The following ZNF169 variants were observed in gnomAD, a reference collection of about 807,000 sequenced individuals.
ZNF169 encodes zinc finger protein 169.
A neutral mutation model predicts 12.0 loss-of-function variants in ZNF169; 11 were observed. The observed-to-expected ratio is 0.92, with a 90% CI of 0.58 to 1.52. The LOEUF is 1.52. Ranked by LOEUF, ZNF169 falls within the 40% of genes most tolerant of loss-of-function variation. The probability of loss-of-function intolerance (pLI) is 0.00; values close to 1 mark genes in which losing one functional copy is unlikely to be tolerated. For missense variants in ZNF169, 722 were observed against 744.0 expected, an observed-to-expected ratio of 0.97 and a Z score of 0.34; for synonymous variants, 302 against 286.5, an observed-to-expected ratio of 1.05 and a Z score of -0.55.
intron 2 of ZNF169, among the ~76,000 whole-genome samples, chr9:94,285,403 G>A (rs993666385): frequency 8.5e-5 from 13 of 152,120 alleles, no homozygotes; most frequent in Admixed American, 8.5e-4. Context: ...CAAGAATTGT[G>A]GGAGTACAAC....
In ZNF169 at chr9:94,300,868, G is replaced by A. The variant is rs539728098; in HGVS notation, c.1310G>A (p.Arg437Gln). The A allele has an allele frequency of 2.3e-5, 37 of 1,613,806 alleles. No homozygotes were observed. The highest frequency in any genetic ancestry group is 1.7e-4 in the Middle Eastern group (1 of 6,058). ...CCTTACCTGTGCCCCCAGTGTGGGC[G>A]GGGTTTTAGCCAGAAGGTCACCCTC... Reference protein sequence around the residue: ...EKPYLCPQCGRGFSQKVTLIG... With the variant: ...EKPYLCPQCGQGFSQKVTLIG... Residue 437 changes from arginine (R) to glutamine (Q), a missense_variant, in exon 5 of 5, where the codon CGG (arginine) becomes CAG (glutamine). Physicochemically the swap from Arg to Gln is conservative, Grantham distance 43. Transcript: ENST00000395395.
At chr9:94,285,076 AT>A (rs755312023) in intron 2 of ZNF169, among the ~76,000 whole-genome samples, 60 of 152,290 alleles carry the variant, frequency 3.9e-4, no homozygotes, top group Non-Finnish European at 6.9e-4. Flanking sequence ...CTGAAAAAAA[AT>A]CTCACATATA....
chr9:94,262,745 CACCT>C (rs1211340788), intron 1 of ZNF169, among the ~76,000 whole-genome samples: 1 of 152,162 alleles, frequency 6.6e-6, no homozygotes, highest in East Asian at 1.9e-4. Flanking sequence ...AGGTGTGAGC[CACCT>C]CGCTTGGCTG....
chr9:94,275,736 CT>C (rs1484432293), intron 1 of ZNF169, among the ~76,000 whole-genome samples: 2 of 150,760 alleles, frequency 1.3e-5, no homozygotes, highest in East Asian at 3.9e-4. Flanking sequence ...GGGAAAGCAT[CT>C]AGTTTCTCAC....
At chr9:94,285,755 A>T (rs1830710039) in intron 2 of ZNF169, among the ~76,000 whole-genome samples, 1 of 152,184 alleles carries the variant, frequency 6.6e-6, no homozygotes, top group South Asian at 2.1e-4. Flanking sequence ...CACGCCTGTA[A>T]TCCCAGCACT....
intron 1 of ZNF169, among the ~76,000 whole-genome samples, chr9:94,263,832 AT>A (rs11357191): frequency 0.28 from 40,031 of 141,936 alleles, 6,560 homozygotes; most frequent in East Asian, 0.54. Flanking sequence ...GGCCAATTGA[AT>A]TTTTTTTTTT....
At chr9:94,266,159 T>C (rs1830289129) in intron 1 of ZNF169, among the ~76,000 whole-genome samples, 1 of 152,158 alleles carries the variant, frequency 6.6e-6, no homozygotes, top group Non-Finnish European at 1.5e-5. Context: ...GGCAAAATTG[T>C]TGATGGGCTT....
chr9:94,265,027 T>TG (rs1554712993), intron 1 of ZNF169, among the ~76,000 whole-genome samples: 4 of 148,116 alleles, frequency 2.7e-5, no homozygotes, highest in Non-Finnish European at 6.0e-5. Flanking sequence ...CCCTGTTTTT[T>TG]TTTTTTTTTT....
intron 4 of ZNF169, chr9:94,299,396 A>G (rs1831010654): frequency 1.8e-6 from 1 of 558,926 alleles, no homozygotes; most frequent in African/African-American, 1.9e-5. Flanking sequence ...AGATGCTAAG[A>G]TCTTATTTAT....
Position 94,300,978 on chromosome 9 carries a change from A to G in ZNF169, c.1420A>G (p.Ile474Val), listed in dbSNP as rs370302535. The G allele has an allele frequency of 5.6e-6, 9 of 1,607,316 alleles. No individual in the cohort carries two copies. Among genetic ancestry groups the G allele is most frequent in the South Asian group, 1.1e-5 (1 of 90,752 alleles). The part of the protein sequence containing the change: ...GRGFGQKVTL[I>V]RHQRTHTGEK... ...TGGCTTTGGTCAGAAGGTCACCCTC[A>G]TCAGACACCAGAGGACACACACAGG... Residue 474 changes from isoleucine to valine, a missense_variant, in exon 5 of 5, where the codon ATC (isoleucine) becomes GTC (valine). By Grantham distance (29) the Ile-to-Val change is conservative. Coordinates refer to ENST00000395395, the MANE Select transcript of ZNF169 (RefSeq NM_194320.4).
Position 94,292,484 on chromosome 9 carries a change from T to A in ZNF169, c.160+17T>A. 6.2e-7 allele frequency: 1 copy of A among 1,607,972 alleles called. No homozygotes were observed. Among genetic ancestry groups the A allele is most frequent in the Non-Finnish European group, 8.5e-7 (1 of 1,176,410 alleles). On this transcript the variant is annotated intron_variant, in intron 3 of 4. Transcript: ENST00000395395. ...TCTCCCTGGGTAAGGCTGGCCTGTT[T>A]AAGGTTTCAGATTCTGCTTGTGGGT...
chr9:94,284,595 T>C (rs1002889827), intron 2 of ZNF169, among the ~76,000 whole-genome samples: 5 of 152,168 alleles, frequency 3.3e-5, no homozygotes, highest in African/African-American at 1.2e-4. Flanking sequence ...GTTGTATTTC[T>C]GTACATTTGC....
chr9:94,282,844 A>T (rs190674298), intron 2 of ZNF169, among the ~76,000 whole-genome samples: 37 of 152,270 alleles, frequency 2.4e-4, no homozygotes, highest in Middle Eastern at 6.8e-3. Flanking sequence ...CTTAAAAAAA[A>T]TTTTTTGGTT....
intron 3 of ZNF169, 107 bp downstream of exon 3, chr9:94,292,574 T>G: frequency 6.9e-7 from 1 of 1,444,612 alleles, no homozygotes; most frequent in Non-Finnish European, 9.3e-7. Flanking sequence ...TTTCCCCTAT[T>G]CCCCCAGAGA....
intron 1 of ZNF169, among the ~76,000 whole-genome samples, chr9:94,276,827 C>T (rs2118586047): frequency 6.6e-6 from 1 of 152,236 alleles, no homozygotes; most frequent in African/African-American, 2.4e-5. Context: ...CATGTTAGTT[C>T]ACACCACAGA....
intron 4 of ZNF169, chr9:94,294,757 G>A (rs552506682): frequency 3.3e-5 from 5 of 152,234 alleles, no homozygotes; most frequent in African/African-American, 1.2e-4. Context: ...ACCATTCAAG[G>A]TGTTTGCCTA....
chr9:94,300,482 CAA>C lies in ZNF169; in HGVS notation c.925_926del (p.Lys309GlufsTer41). On this transcript the variant is annotated frameshift_variant, in exon 5 of 5. Coordinates refer to ENST00000395395, the MANE Select transcript of ZNF169 (RefSeq NM_194320.4). LOFTEE classifies it low-confidence loss of function (END_TRUNC). ...GGTATACATCCTCTCTCACTAATCA[CAA>C]GAGGATTCACTCCGGGGAGAGGCCC... ...FRYTSSLTNH[K>X]RIHSGERPFV... 6.2e-7 allele frequency: 1 copy of C among 1,614,186 alleles called. No homozygotes were observed. Among genetic ancestry groups the C allele is most frequent in the Non-Finnish European group, 8.5e-7 (1 of 1,180,028 alleles).
chr9:94,260,748 T>C (rs988001868), intron 1 of ZNF169, among the ~76,000 whole-genome samples: 1 of 151,890 alleles, frequency 6.6e-6, no homozygotes, highest in Admixed American at 6.6e-5. Flanking sequence ...CAGGGGGCTG[T>C]TGAGTGACTC....
rs1282936752 is a variant in ZNF169, at chr9:94,300,738, G to T, written c.1180G>T (p.Val394Phe). The change falls in exon 5 of 5, where the codon GTC becomes TTC. Residue 394 changes from valine to phenylalanine, a missense_variant. By Grantham distance (50) the Val-to-Phe change is conservative. Coordinates refer to ENST00000395395, the MANE Select transcript of ZNF169 (RefSeq NM_194320.4). ...RQQSLLLSHQ[V>F]THSGEKPYVC... The stretch of plus-strand genomic sequence containing the variant: ...GCAGTCACTCCTCCTTAGTCACCAG[G>T]TCACACACTCAGGAGAGAAGCCTTA... The T allele has an allele frequency of 2.5e-5, 41 of 1,610,368 alleles. No individual in the cohort carries two copies. Among genetic ancestry groups the T allele is most frequent in the Non-Finnish European group, 3.5e-5 (41 of 1,178,974 alleles).
Sources: allele counts gnomAD v4.1 joint callset (sites outside exome capture counted in the v4.1 genomes callset), GRCh38; gene constraint gnomAD v4.1.1; transcripts MANE v1.5; gene names NCBI Gene and HGNC (gene_info 2026-07-23, HGNC 2026-07-21).